The following PHLPP2 variants were observed in gnomAD, a reference collection of about 807,000 sequenced individuals.
The protein encoded by PHLPP2 is PH domain leucine-rich repeat-containing protein phosphatase 2.
A neutral mutation model predicts 124.9 loss-of-function variants in PHLPP2; 66 were observed. The observed-to-expected ratio is 0.53, with a 90% CI of 0.43 to 0.65. PHLPP2 has a LOEUF of 0.65. PHLPP2 is among the 30% of genes least tolerant of loss of function. PHLPP2 has a pLI of 0.00. For synonymous variants in PHLPP2, 681 were observed against 624.7 expected, an observed-to-expected ratio of 1.09 and a Z score of -1.34; for missense variants, 1,685 against 1,600.4, an observed-to-expected ratio of 1.05 and a Z score of -0.90.
chr16:71,679,805 G>A lies in PHLPP2; in HGVS notation c.891-270C>T, dbSNP rs375961355. 4.3e-4 allele frequency among the ~76,000 whole-genome samples: 65 copies of A among 152,234 alleles called. 1 individual carries two copies. In the South Asian group the frequency reaches 0.013, roughly 31 times the overall value. The stretch of plus-strand genomic sequence containing the variant: ...CTTAAAAAGGAAGACAATCTTGGCC[G>A]GATGCAGTGGCTTATACCTGTAATC... On this transcript the variant is annotated intron_variant, in intron 6 of 18. Coordinates refer to ENST00000568954, the MANE Select transcript of PHLPP2 (RefSeq NM_015020.3).
At position 71,684,508 on chromosome 16, in the gene PHLPP2, C is replaced by T. The variant is rs1179119532; in HGVS notation, c.703G>A (p.Glu235Lys). Reference sequence around the variant, plus strand: ...GCTTGCCGTTGCCATCGCTGGTACTCGGCCAAAGTCTCGAAGCTGACATGA... The same window carrying T: ...GCTTGCCGTTGCCATCGCTGGTACTTGGCCAAAGTCTCGAAGCTGACATGA... ...TYHVSFETLA[E>K]YQRWQRQASK... The change falls in exon 5 of 19, where the codon GAG becomes AAG. Residue 235 changes from glutamate to lysine, a missense_variant. By Grantham distance (56) the Glu-to-Lys change is moderately conservative. Transcript: ENST00000568954. 8 of 1,613,856 alleles carry T rather than the reference C, an allele frequency of 5.0e-6. No homozygotes were observed. The highest frequency in any genetic ancestry group is 4.0e-5 in the African/African-American group (3 of 74,862).
intron 3 of PHLPP2, among the ~76,000 whole-genome samples, chr16:71,699,791 G>T (rs548546041): frequency 6.6e-6 from 1 of 152,268 alleles, no homozygotes; most frequent in South Asian, 2.1e-4. Flanking sequence ...TGTCCTCTGG[G>T]GCCTTGGGAT....
At chr16:71,708,114 A>T in intron 2 of PHLPP2, among the ~76,000 whole-genome samples, 1 of 152,062 alleles carries the variant, frequency 6.6e-6, no homozygotes, top group East Asian at 1.9e-4. Flanking sequence ...AACATCGCCC[A>T]TTATCTCTCC....
At chr16:71,699,809 A>G (rs1234597830) in intron 3 of PHLPP2, among the ~76,000 whole-genome samples, 1 of 152,076 alleles carries the variant, frequency 6.6e-6, no homozygotes, top group Non-Finnish European at 1.5e-5. Context: ...GATCACAGAC[A>G]CCCCCACCTG....
At chr16:71,692,553 C>T (rs1597008188) in intron 3 of PHLPP2, among the ~76,000 whole-genome samples, 1 of 152,100 alleles carries the variant, frequency 6.6e-6, no homozygotes, top group East Asian at 1.9e-4. Flanking sequence ...TATATTAATA[C>T]ACTATACAGG....
At chr16:71,723,750 G>C (rs1184127025) in intron 1 of PHLPP2, 3 of 1,231,244 alleles carry the variant, frequency 2.4e-6, no homozygotes, top group Admixed American at 2.7e-5. Flanking sequence ...CTCGCTCGCT[G>C]GTCCATCCGC....
chr16:71,723,617 G>A (rs1413767602), intron 1 of PHLPP2: 3 of 323,530 alleles, frequency 9.3e-6, no homozygotes, highest in Non-Finnish European at 1.6e-5. Flanking sequence ...GGTGTGGGGC[G>A]GCCGACTGAC....
At chr16:71,700,934 G>A (rs1377654041) in intron 3 of PHLPP2, among the ~76,000 whole-genome samples, 4 of 152,146 alleles carry the variant, frequency 2.6e-5, no homozygotes, top group African/African-American at 7.2e-5. Context: ...GTGTGTATAC[G>A]TGTGTCTCAT....
In PHLPP2 at chr16:71,719,964, A is replaced by ATTTTTTTTTTTTTTTTTTTTTTTTTTTT. The variant is rs756642820; in HGVS notation, c.-7+4364_-7+4365insAAAAAAAAAAAAAAAAAAAAAAAAAAAA. On this transcript the variant is annotated intron_variant, in intron 1 of 18. Transcript: ENST00000568954. ...AGGTGCACAACACCATGCCCAGCTA[A>ATTTTTTTTTTTTTTTTTTTTTTTTTTTT]TTTTTTTTTTTTTTTTTTTTTTTTG... Among the ~76,000 whole-genome samples, 3 of 53,250 alleles carry ATTTTTTTTTTTTTTTTTTTTTTTTTTTT rather than the reference A, an allele frequency of 5.6e-5. 1 individual carries two copies. The highest frequency in any genetic ancestry group is 2.5e-4 in the African/African-American group (3 of 11,984). 34.9% of individuals were successfully genotyped at this position (53,250 alleles called of 152,430 possible).
chr16:71,683,040 G>T (rs944868197), intron 5 of PHLPP2, among the ~76,000 whole-genome samples: 1 of 151,872 alleles, frequency 6.6e-6, no homozygotes, highest in Non-Finnish European at 1.5e-5. Context: ...GCGTGATGGC[G>T]CACACCTGTA....
rs1015680530 is a variant in PHLPP2, at chr16:71,724,013, C to G, written c.-7+316G>C. On this transcript the variant is annotated intron_variant, in intron 1 of 18. Transcript: ENST00000568954. ...CTCGCCAGCTCCGCCCCTCCCGCAG[C>G]CCCGCTGGACCTAAGCAGCTGCCGG... The G allele has an allele frequency of 4.6e-5, 9 of 196,070 alleles. 1 individual carries two copies. The highest frequency in any genetic ancestry group is 7.4e-5 in the Non-Finnish European group (8 of 107,942). 12.1% of individuals were successfully genotyped at this position (196,070 alleles called of 1,614,324 possible).
At chr16:71,664,440 G>A (rs2145319029) in intron 12 of PHLPP2, among the ~76,000 whole-genome samples, 2 of 152,254 alleles carry the variant, frequency 1.3e-5, no homozygotes, top group Middle Eastern at 6.8e-3. Flanking sequence ...GAACTGTGAA[G>A]ACACCATTTA....
At position 71,649,433 on chromosome 16, in the gene PHLPP2, A is replaced by G. The variant is rs2044678310; in HGVS notation, c.3429T>C (p.Ser1143=). 1 of 1,614,008 alleles carries G rather than the reference A, an allele frequency of 6.2e-7. No individual in the cohort carries two copies. The highest frequency in any genetic ancestry group is 8.5e-7 in the Non-Finnish European group (1 of 1,179,958). ...CATCATCACTGTCCAGGCCGTTGTC[A>G]GACTGGTTACTGGAGAAGGTAGCAG... ...PSSATFSSNQ[S]DNGLDSDDDQ... is the part of the protein sequence containing the mutation. Residue 1143 remains serine, a synonymous_variant, in exon 19 of 19, where the codon TCT becomes TCC. Coordinates refer to ENST00000568954, the MANE Select transcript of PHLPP2 (RefSeq NM_015020.3).
chr16:71,718,220 C>A (rs1236610254), intron 1 of PHLPP2, among the ~76,000 whole-genome samples: 1 of 151,898 alleles, frequency 6.6e-6, no homozygotes, highest in African/African-American at 2.4e-5. Flanking sequence ...GGATTTTTAA[C>A]AGTCATTTTT....
At chr16:71,658,404 A>G (rs750122682) in intron 14 of PHLPP2, 41 bp from the exon 15 acceptor site, 1 of 1,583,384 alleles carries the variant, frequency 6.3e-7, no homozygotes, top group South Asian at 1.1e-5. Context: ...TACATCACAG[A>G]GACTTAGTTC....
At chr16:71,696,961 G>C (rs1461470143) in intron 3 of PHLPP2, among the ~76,000 whole-genome samples, 1 of 151,860 alleles carries the variant, frequency 6.6e-6, no homozygotes, top group Non-Finnish European at 1.5e-5. Context: ...GATGACTTGA[G>C]GTCAGGAATT....
At chr16:71,666,805 C>T (rs762343989) in intron 12 of PHLPP2, among the ~76,000 whole-genome samples, 2 of 152,170 alleles carry the variant, frequency 1.3e-5, no homozygotes, top group East Asian at 3.8e-4. Context: ...TTTAGTGGTA[C>T]GTCCTTTTCT....
rs543721382 is a variant in PHLPP2 at position 71,692,316 on chromosome 16, G to A, written c.419-1607C>T. ...CATCTCCTGACCTCGTGATCCGCCT[G>A]CCTCGGCCTCCCAAAGTGCTGGGAT... On this transcript the variant is annotated intron_variant, in intron 3 of 18. Coordinates refer to ENST00000568954, the MANE Select transcript of PHLPP2 (RefSeq NM_015020.3). Among the ~76,000 whole-genome samples the A allele has an allele frequency of 2.3e-3, 348 of 152,192 alleles. 1 individual carries two copies. The highest frequency in any genetic ancestry group is 4.2e-3 in the Non-Finnish European group (288 of 68,012).
chr16:71,654,204 GAAAAAAAA>G, intron 17 of PHLPP2, among the ~76,000 whole-genome samples: 2 of 72,354 alleles, frequency 2.8e-5, no homozygotes, highest in East Asian at 6.9e-4. Context: ...TCTCAAAAAA[GAAAAAAAA>G]AAAAAAAAAA....
Sources: allele counts gnomAD v4.1 joint callset (sites outside exome capture counted in the v4.1 genomes callset), GRCh38; gene constraint gnomAD v4.1.1; transcripts MANE v1.5; gene names NCBI Gene and HGNC (gene_info 2026-07-23, HGNC 2026-07-21).